Variants in NR5A2 observed in about 807,000 individuals in gnomAD.
NR5A2 encodes the protein CYP7A promoter-binding factor.
In NR5A2, 26 loss-of-function variants were observed where a neutral mutation model predicts 62.7. The observed-to-expected ratio is 0.41, with a 90% CI of 0.30 to 0.58. The LOEUF is 0.58. Ranked by LOEUF, NR5A2 falls within the 20% of genes least tolerant of loss-of-function variation. NR5A2 has a pLI of 0.22. For missense variants in NR5A2, 541 were observed against 669.1 expected, an observed-to-expected ratio of 0.81 and a Z score of 2.11; for synonymous variants, 246 against 241.7, an observed-to-expected ratio of 1.02 and a Z score of -0.16.
At chr1:200,140,733 A>G (rs535376461) in intron 7 of NR5A2, among the ~76,000 whole-genome samples, 16 of 152,288 alleles carry the variant, frequency 1.1e-4, no homozygotes, top group African/African-American at 3.9e-4. Flanking sequence ...ACTATCCTCA[A>G]TCTAAAAATC....
intron 7 of NR5A2, among the ~76,000 whole-genome samples, chr1:200,138,962 A>T (rs1214439281): frequency 6.6e-6 from 1 of 152,196 alleles, no homozygotes; most frequent in East Asian, 1.9e-4. Context: ...GGTCTTGAGT[A>T]AAATTGCATT....
intron 5 of NR5A2, among the ~76,000 whole-genome samples, chr1:200,091,725 C>T (rs1664826444): frequency 6.6e-6 from 1 of 152,074 alleles, no homozygotes; most frequent in Non-Finnish European, 1.5e-5. Context: ...CCTCGTGATC[C>T]ACTCGCCTCA....
intron 5 of NR5A2, among the ~76,000 whole-genome samples, chr1:200,090,400 T>C (rs758306302): frequency 4.6e-5 from 7 of 152,192 alleles, no homozygotes; most frequent in Non-Finnish European, 8.8e-5. Flanking sequence ...CATCCACAAA[T>C]ACACATTCCA....
intron 7 of NR5A2, among the ~76,000 whole-genome samples, chr1:200,160,779 C>T (rs1653605529): frequency 6.6e-6 from 1 of 151,706 alleles, no homozygotes; most frequent in Non-Finnish European, 1.5e-5. Context: ...TTAAATTTGG[C>T]TTAATATATC....
chr1:200,058,970 C>T (rs1005655050), intron 5 of NR5A2, among the ~76,000 whole-genome samples: 14 of 151,440 alleles, frequency 9.2e-5, no homozygotes, highest in African/African-American at 1.2e-4. Flanking sequence ...ATTAGCCCGG[C>T]GTGGTGGCAC....
At chr1:200,117,934 G>A (rs1015125255) in intron 6 of NR5A2, among the ~76,000 whole-genome samples, 21 of 151,040 alleles carry the variant, frequency 1.4e-4, no homozygotes, top group Admixed American at 3.3e-4. Flanking sequence ...GGCTGGTCTC[G>A]AACTCCCGAC....
chr1:200,155,034 C>T (rs977819482), intron 7 of NR5A2, among the ~76,000 whole-genome samples: 3 of 152,190 alleles, frequency 2.0e-5, no homozygotes, highest in Non-Finnish European at 4.4e-5. Context: ...AATAAAGCTT[C>T]AGGAGGGTGG....
chr1:200,055,589 T>G (rs1001483873), intron 5 of NR5A2, among the ~76,000 whole-genome samples: 21 of 152,262 alleles, frequency 1.4e-4, no homozygotes, highest in Admixed American at 1.2e-3. Flanking sequence ...TGCCTTCTCC[T>G]GAGAGTTGGG....
Position 200,174,882 on chromosome 1 carries a change from A to G in NR5A2, c.*672A>G, listed in dbSNP as rs138094913. On this transcript the variant is annotated 3_prime_UTR_variant, in exon 8 of 8. Coordinates refer to ENST00000367362, the MANE Select transcript of NR5A2 (RefSeq NM_205860.3). Reference sequence around the variant, plus strand: ...TTAATATGTTAGCTTGCCATTTTAAATATGTTCTGAGGGTTGTTTTGTCTC... The same window carrying G: ...TTAATATGTTAGCTTGCCATTTTAAGTATGTTCTGAGGGTTGTTTTGTCTC... 2.6e-5 allele frequency: 4 copies of G among 152,740 alleles called. No homozygotes were observed. Among genetic ancestry groups the G allele is most frequent in the Non-Finnish European group, 4.4e-5 (3 of 68,034 alleles). The allele number at this position is 152,740 out of a possible 1,614,324, so 9.5% of individuals were successfully genotyped here. A position where few individuals can be genotyped will look rare whatever the true frequency, so the allele number is the denominator to read the frequency against.
Position 200,048,595 on chromosome 1 carries a change from G to A in NR5A2, c.887G>A (p.Ser296Asn), listed in dbSNP as rs1662488674. ...TCATATATGGATAGTTACCAGACGA[G>A]CTCTCCAGCAAGCATCCCACATCTG... ...GYSYMDSYQTSSPASIPHLIL... is the reference protein window; with the variant it reads ...GYSYMDSYQTNSPASIPHLIL... The change falls in exon 5 of 8, where the codon AGC becomes AAC. Residue 296 changes from serine to asparagine, a missense_variant. Ser to Asn is a conservative substitution (Grantham distance 46). This residue lies in a region of NR5A2 where 379 missense variants were observed against 442.0 expected (regional missense o/e 0.86). Coordinates refer to ENST00000367362, the MANE Select transcript of NR5A2 (RefSeq NM_205860.3). This position sits in a 1 kb window ranked among gnomAD's most constrained non-coding sequence, Gnocchi z 4.8. 6.2e-7 allele frequency: 1 copy of A among 1,614,194 alleles called. No homozygotes were observed. The highest frequency in any genetic ancestry group is 8.5e-7 in the Non-Finnish European group (1 of 1,180,036).
intron 5 of NR5A2, among the ~76,000 whole-genome samples, chr1:200,069,315 C>T (rs1663632442): frequency 1.3e-5 from 2 of 151,532 alleles, no homozygotes; most frequent in Non-Finnish European, 2.9e-5. Flanking sequence ...GGCTGGAGTG[C>T]AATGGCATGA....
chr1:200,148,037 G>A, intron 7 of NR5A2: 1 of 303,568 alleles, frequency 3.3e-6, no homozygotes, highest in Non-Finnish European at 6.4e-6. Flanking sequence ...TGGGCAGGTC[G>A]CTGGAGCGCA....
chr1:200,120,298 G>A (rs956281169), intron 6 of NR5A2, among the ~76,000 whole-genome samples: 1 of 151,998 alleles, frequency 6.6e-6, no homozygotes, highest in African/African-American at 2.4e-5. Flanking sequence ...TATATACATA[G>A]AACACTCTCC....
Position 200,174,522 on chromosome 1 carries a change from C to T in NR5A2, c.*312C>T, listed in dbSNP as rs895192152. ...GATACCAACACGGTCAGAAGAAAAA[C>T]GGACAGAACGGTTCTTGTATATTTA... On this transcript the variant is annotated 3_prime_UTR_variant, in exon 8 of 8. Transcript: ENST00000367362. 5.2e-5 allele frequency: 10 copies of T among 191,518 alleles called. No individual in the cohort carries two copies. The highest frequency in any genetic ancestry group is 1.2e-4 in the Admixed American group (2 of 16,660). The allele number at this position is 191,518 out of a possible 1,614,324, so 11.9% of individuals were successfully genotyped here.
At chr1:200,053,569 G>GCACACGCACA (rs1553266383) in intron 5 of NR5A2, among the ~76,000 whole-genome samples, 4 of 141,994 alleles carry the variant, frequency 2.8e-5, no homozygotes, top group African/African-American at 1.1e-4. Context: ...GCATGCACAC[G>GCACACGCACA]CACACACACA....
chr1:200,030,817 C>T (rs1323572660), intron 1 of NR5A2, among the ~76,000 whole-genome samples: 1 of 152,182 alleles, frequency 6.6e-6, no homozygotes, highest in African/African-American at 2.4e-5. Flanking sequence ...GTTATGTCTG[C>T]ATACTTAGGG....
chr1:200,143,045 A>ATGTG (rs59372153), intron 7 of NR5A2, among the ~76,000 whole-genome samples: 300 of 150,722 alleles, frequency 2.0e-3, no homozygotes, highest in African/African-American at 6.7e-3. Context: ...GTGTGTGTGT[A>ATGTG]TGTGTGTGTG....
chr1:200,058,765 C>T (rs1390114282), intron 5 of NR5A2, among the ~76,000 whole-genome samples: 1 of 149,958 alleles, frequency 6.7e-6, no homozygotes, highest in African/African-American at 2.5e-5. Flanking sequence ...AAGCATGAAC[C>T]ACCGCGCTGG....
chr1:200,050,349 C>T (rs1360417155), intron 5 of NR5A2, among the ~76,000 whole-genome samples: 2 of 152,136 alleles, frequency 1.3e-5, no homozygotes, highest in African/African-American at 4.8e-5. Flanking sequence ...AAAACACAGA[C>T]TTTTTACAAT....
Sources: gnomAD v4.1 joint callset for allele counts (sites outside exome capture counted in the v4.1 genomes callset) on GRCh38, gnomAD v4.1.1 for gene constraint, gnomAD v4.1.1 regional missense constraint, Gnocchi (gnomAD v3.1) non-coding constraint, MANE v1.5 for transcripts, NCBI Gene and HGNC (gene_info 2026-07-23, HGNC 2026-07-21) for gene names.